The following HDAC9 variants were observed in gnomAD, a reference collection of about 807,000 sequenced individuals.
HDAC9 encodes MEF-2 interacting transcription repressor (MITR) protein.
In HDAC9, 41 loss-of-function variants were observed where a neutral mutation model predicts 139.4. The ratio of observed to expected loss-of-function variants is 0.29; its 90% CI spans 0.23 to 0.38. The LOEUF (loss-of-function observed/expected upper bound fraction) is 0.38, where lower values mean the gene tolerates loss of function less well. Among genes scored for constraint, HDAC9 ranks in the 10% least tolerant of loss-of-function variants. The pLI, the probability that HDAC9 is intolerant of heterozygous loss-of-function variation, is 1.00. For missense variants in HDAC9, 1,147 were observed against 1,297.0 expected (o/e 0.88, Z 1.78); for synonymous variants, 517 against 476.2 (o/e 1.09, Z -1.12).
At chr7:18,323,716 A>C (rs2128638828) in intron 1 of HDAC9, among the ~76,000 whole-genome samples, 1 of 152,286 alleles carries the variant, frequency 6.6e-6, no homozygotes, top group East Asian at 1.9e-4. Context: ...TAACTGTAAT[A>C]GTCTTTGGTG....
intron 1 of HDAC9, among the ~76,000 whole-genome samples, chr7:18,400,989 G>GCA (rs1212865375): frequency 6.6e-6 from 1 of 152,102 alleles, no homozygotes; most frequent in Non-Finnish European, 1.5e-5. Flanking sequence ...CTTAGTTGTG[G>GCA]TATAAAAACG....
intron 21 of HDAC9, among the ~76,000 whole-genome samples, chr7:18,857,591 G>C (rs1030300955): frequency 6.6e-6 from 1 of 152,064 alleles, no homozygotes; most frequent in African/African-American, 2.4e-5. Context: ...ATCAATATCT[G>C]TATTAATGAA....
At chr7:18,709,226 G>T (rs891142041) in intron 12 of HDAC9, among the ~76,000 whole-genome samples, 3 of 152,036 alleles carry the variant, frequency 2.0e-5, no homozygotes, top group Admixed American at 6.6e-5. Flanking sequence ...TGGTGTGTGT[G>T]TATTGTTCCC....
intron 1 of HDAC9, among the ~76,000 whole-genome samples, chr7:18,453,213 A>G (rs1216099287): frequency 6.6e-6 from 1 of 152,110 alleles, no homozygotes; most frequent in East Asian, 1.9e-4. Context: ...TATTTACTGA[A>G]GGTTTTCACT....
chr7:18,456,465 A>T (rs1793359569), intron 1 of HDAC9, among the ~76,000 whole-genome samples: 1 of 152,032 alleles, frequency 6.6e-6, no homozygotes, highest in Middle Eastern at 3.4e-3. Flanking sequence ...CGAACTCTTG[A>T]CCTCAGGTAT....
intron 11 of HDAC9, among the ~76,000 whole-genome samples, chr7:18,663,390 T>A (rs555607377): frequency 6.6e-6 from 1 of 152,132 alleles, no homozygotes; most frequent in South Asian, 2.1e-4. Flanking sequence ...TTCCTCTTAG[T>A]TATTGAATAT....
chr7:18,914,672 G>C (rs1585299430), intron 22 of HDAC9, among the ~76,000 whole-genome samples: 1 of 151,292 alleles, frequency 6.6e-6, no homozygotes, highest in East Asian at 1.9e-4. Context: ...CACCATTGAT[G>C]GGATAGTCAT....
At chr7:18,742,921 T>C (rs1787589040) in intron 13 of HDAC9, among the ~76,000 whole-genome samples, 2 of 152,210 alleles carry the variant, frequency 1.3e-5, no homozygotes, top group Admixed American at 6.5e-5. Context: ...TTAGCTTTGG[T>C]CTCTGATGTT....
chr7:18,747,624 G>T (rs1374267150), intron 13 of HDAC9, among the ~76,000 whole-genome samples: 1 of 152,178 alleles, frequency 6.6e-6, no homozygotes, highest in Non-Finnish European at 1.5e-5. Flanking sequence ...ATTCAATGGG[G>T]AAGTGTGTAA....
intron 1 of HDAC9, among the ~76,000 whole-genome samples, chr7:18,133,143 G>A (rs1382429968): frequency 2.0e-5 from 3 of 152,098 alleles, no homozygotes; most frequent in Non-Finnish European, 2.9e-5. Flanking sequence ...GTCACAAATT[G>A]CATTGGAAAA....
At chr7:18,308,766 A>G (rs150560642) in intron 1 of HDAC9, among the ~76,000 whole-genome samples, 2,879 of 152,212 alleles carry the variant, frequency 0.019, 43 homozygotes, top group Middle Eastern at 0.054. Flanking sequence ...TAGCCATTAT[A>G]TTTTCTCTTA....
At chr7:18,509,767 T>C (rs567168954) in intron 2 of HDAC9, among the ~76,000 whole-genome samples, 10 of 152,222 alleles carry the variant, frequency 6.6e-5, no homozygotes, top group Middle Eastern at 3.4e-3. Flanking sequence ...CTTTCTCCCT[T>C]CTCTCTCGAT....
chr7:18,803,172 A>C (rs1255509676), intron 17 of HDAC9, among the ~76,000 whole-genome samples: 1 of 152,040 alleles, frequency 6.6e-6, no homozygotes, highest in Non-Finnish European at 1.5e-5. Context: ...ACTACCTTTA[A>C]AAATTTAACC....
chr7:18,879,989 T>A (rs1055057916), intron 22 of HDAC9, among the ~76,000 whole-genome samples: 5 of 151,728 alleles, frequency 3.3e-5, no homozygotes, highest in African/African-American at 1.2e-4. Flanking sequence ...CATTAAAACG[T>A]GGGGAAAGGA....
At chr7:18,971,304 G>C (rs1177937755) in intron 24 of HDAC9, among the ~76,000 whole-genome samples, 2 of 152,214 alleles carry the variant, frequency 1.3e-5, no homozygotes, top group Non-Finnish European at 2.9e-5. Flanking sequence ...ACTGAAGAGG[G>C]AGTGTGCATG....
At chr7:18,713,388 A>G (rs551012668) in intron 12 of HDAC9, among the ~76,000 whole-genome samples, 1 of 152,328 alleles carries the variant, frequency 6.6e-6, no homozygotes, top group South Asian at 2.1e-4. Context: ...ACCAATTGTT[A>G]GAAGATATGT....
intron 22 of HDAC9, among the ~76,000 whole-genome samples, chr7:18,934,912 C>G (rs1563068824): frequency 1.3e-5 from 2 of 152,100 alleles, no homozygotes; most frequent in Admixed American, 6.6e-5. Flanking sequence ...AAAACCAACT[C>G]TCTGCCAATA....
chr7:18,737,728 A>T (rs1787057939), intron 13 of HDAC9, among the ~76,000 whole-genome samples: 9 of 152,172 alleles, frequency 5.9e-5, no homozygotes. Context: ...AGAAGAATGT[A>T]TATTCTGTTG....
At chr7:18,125,901 A>G (rs1784634915) in intron 1 of HDAC9, among the ~76,000 whole-genome samples, 1 of 152,200 alleles carries the variant, frequency 6.6e-6, no homozygotes, top group Admixed American at 6.5e-5. Context: ...CTTACTTTGT[A>G]AGTGGTGCCG....
Sources: gnomAD v4.1 joint callset for allele counts (sites outside exome capture counted in the v4.1 genomes callset) on GRCh38, gnomAD v4.1.1 for gene constraint, MANE v1.5 for transcripts, NCBI Gene and HGNC (gene_info 2026-07-23, HGNC 2026-07-21) for gene names.